SLC35F4: variants seen among roughly 807,000 people sequenced by gnomAD.
SLC35F4 encodes chromosome 14 open reading frame 36.
SLC35F4 carries 24 observed loss-of-function variants against 44.2 expected under a neutral mutation model. The observed-to-expected ratio is 0.54, with a 90% CI of 0.39 to 0.76. The LOEUF is 0.76. Among genes scored for constraint, SLC35F4 ranks in the 30% least tolerant of loss-of-function variants. The pLI is 0.00. For synonymous variants in SLC35F4, 238 were observed against 223.6 expected (o/e 1.06, Z -0.57); for missense variants, 562 against 586.1 (o/e 0.96, Z 0.42).
At chr14:57,895,434 T>C (rs1273280171) in intron 1 of SLC35F4, among the ~76,000 whole-genome samples, 2 of 152,128 alleles carry the variant, frequency 1.3e-5, no homozygotes, top group African/African-American at 4.8e-5. Flanking sequence ...CCAAATCTCA[T>C]GCTAAATTGA....
intron 1 of SLC35F4, among the ~76,000 whole-genome samples, chr14:57,946,469 C>CTTTTTTTTTTTTTTTTTTTTTTT (rs71104596): frequency 7.7e-5 from 6 of 78,188 alleles, no homozygotes; most frequent in East Asian, 3.3e-4. Context: ...GTTTTCTTTT[C>CTTTTTTTTTTTTTTTTTTTTTTT]TTTTTTTTTT....
chr14:57,939,345 G>A (rs968456794), intron 1 of SLC35F4, among the ~76,000 whole-genome samples: 2 of 152,166 alleles, frequency 1.3e-5, no homozygotes, highest in African/African-American at 2.4e-5. Flanking sequence ...GTAGAGAAGT[G>A]AAGCTAAGTC....
At chr14:57,727,601 T>C (rs894910757) in intron 1 of SLC35F4, among the ~76,000 whole-genome samples, 5 of 152,192 alleles carry the variant, frequency 3.3e-5, no homozygotes, top group African/African-American at 1.2e-4. Flanking sequence ...TCCATTATCA[T>C]TTGTTTCAAC....
intron 1 of SLC35F4, among the ~76,000 whole-genome samples, chr14:57,759,150 C>T (rs1031761316): frequency 2.6e-5 from 4 of 152,146 alleles, no homozygotes; most frequent in Non-Finnish European, 4.4e-5. Context: ...ATTTAGATTG[C>T]TTTCCCCTCT....
chr14:57,713,412 T>C (rs2075859282), intron 1 of SLC35F4, among the ~76,000 whole-genome samples: 1 of 152,182 alleles, frequency 6.6e-6, no homozygotes, highest in Admixed American at 6.5e-5. Context: ...TCTCCAGTTT[T>C]ATTTCCCCTC....
chr14:57,872,771 C>T (rs538101993), intron 1 of SLC35F4, among the ~76,000 whole-genome samples: 29 of 152,298 alleles, frequency 1.9e-4, no homozygotes, highest in Middle Eastern at 6.8e-3. Flanking sequence ...CCCACAAGAT[C>T]GTGCAACTAG....
At chr14:57,603,315 C>T (rs963011602) in intron 1 of SLC35F4, among the ~76,000 whole-genome samples, 2 of 152,112 alleles carry the variant, frequency 1.3e-5, no homozygotes, top group African/African-American at 2.4e-5. Context: ...AATCTCAGCC[C>T]AGTTATCAAC....
At chr14:57,975,657 A>G (rs1015285003), downstream of SLC35F4, among the ~76,000 whole-genome samples, 29 of 152,328 alleles carry the variant, frequency 1.9e-4, no homozygotes, top group Admixed American at 1.8e-3. Context: ...CACCAAATGA[A>G]TGTAATCTAG....
chr14:57,660,054 T>C (rs1195667620), intron 1 of SLC35F4, among the ~76,000 whole-genome samples: 1 of 152,230 alleles, frequency 6.6e-6, no homozygotes, highest in Non-Finnish European at 1.5e-5. Context: ...TCAGTTATAC[T>C]AACATGCAAA....
At chr14:57,639,812 C>T (rs2073151671) in intron 1 of SLC35F4, among the ~76,000 whole-genome samples, 1 of 151,838 alleles carries the variant, frequency 6.6e-6, no homozygotes, top group South Asian at 2.1e-4. Flanking sequence ...AAAACTTCTG[C>T]CTTAGGAAGT....
chr14:57,741,562 C>T (rs1052529114), intron 1 of SLC35F4, among the ~76,000 whole-genome samples: 2 of 152,110 alleles, frequency 1.3e-5, no homozygotes, highest in Non-Finnish European at 2.9e-5. Flanking sequence ...AAGAAATGAA[C>T]AAATCCTCCA....
At chr14:57,609,016 A>T (rs1368847673) in intron 1 of SLC35F4, among the ~76,000 whole-genome samples, 1 of 152,166 alleles carries the variant, frequency 6.6e-6, no homozygotes, top group Non-Finnish European at 1.5e-5. Context: ...TAGACAGGAC[A>T]CAAATGCAAA....
At chr14:57,712,928 G>T (rs150834581) in intron 1 of SLC35F4, among the ~76,000 whole-genome samples, 4 of 152,212 alleles carry the variant, frequency 2.6e-5, no homozygotes, top group African/African-American at 9.6e-5. Flanking sequence ...GTACCCGATT[G>T]TTCTTGGTTT....
chr14:57,978,068 C>T (rs376362446), intron 1 of SLC35F4, among the ~76,000 whole-genome samples: 6 of 152,246 alleles, frequency 3.9e-5, no homozygotes, highest in African/African-American at 9.6e-5. Context: ...ATCTTTGTAT[C>T]GTGCATTCAT....
intron 1 of SLC35F4, among the ~76,000 whole-genome samples, chr14:57,648,025 A>G (rs2073616583): frequency 6.6e-6 from 1 of 152,054 alleles, no homozygotes. Flanking sequence ...CTCTTCCTTT[A>G]TTGCTATGGT....
intron 1 of SLC35F4, among the ~76,000 whole-genome samples, chr14:57,713,129 A>T (rs1311288429): frequency 6.6e-6 from 1 of 152,150 alleles, no homozygotes; most frequent in Non-Finnish European, 1.5e-5. Context: ...ATCTCTCCAC[A>T]TTGCTCCATC....
intron 1 of SLC35F4, among the ~76,000 whole-genome samples, chr14:57,708,988 T>C (rs1020157680): frequency 6.6e-6 from 1 of 152,162 alleles, no homozygotes; most frequent in East Asian, 1.9e-4. Flanking sequence ...AATTTGCCAC[T>C]GTTATCTAAA....
At chr14:57,640,123 G>C (rs545518930) in intron 1 of SLC35F4, among the ~76,000 whole-genome samples, 1 of 151,946 alleles carries the variant, frequency 6.6e-6, no homozygotes, top group Non-Finnish European at 1.5e-5. Flanking sequence ...AGAGGGAAGA[G>C]AGGGTTAAAG....
chr14:57,672,224 C>T (rs528847418), intron 1 of SLC35F4, among the ~76,000 whole-genome samples: 1 of 152,078 alleles, frequency 6.6e-6, no homozygotes, highest in Admixed American at 6.6e-5. Context: ...TTTCCTGTCA[C>T]CCCTTGTATC....
Sources: gnomAD v4.1 joint callset for allele counts (sites outside exome capture counted in the v4.1 genomes callset) on GRCh38, gnomAD v4.1.1 for gene constraint, MANE v1.5 for transcripts, NCBI Gene and HGNC (gene_info 2026-07-23, HGNC 2026-07-21) for gene names.